The following APPL1 variants were observed in gnomAD, a reference collection of about 807,000 sequenced individuals.
APPL1 encodes the protein adaptor protein, phosphotyrosine interacting with PH domain and leucine zipper 1, also known as DCC-interacting protein 13-alpha.
Under a neutral mutation model 106.8 loss-of-function variants are expected in APPL1, and 42 were observed. The observed-to-expected ratio is 0.39, with a 90% CI of 0.31 to 0.51. The LOEUF (loss-of-function observed/expected upper bound fraction) is 0.51. Ranked by LOEUF, APPL1 falls within the 20% of genes least tolerant of loss-of-function variation. The pLI is 0.75. For missense variants in APPL1, 769 were observed against 858.2 expected, an observed-to-expected ratio of 0.90 and a Z score of 1.30; for synonymous variants, 263 against 281.8, an observed-to-expected ratio of 0.93 and a Z score of 0.67.
At chr3:57,236,216 G>A (rs935323719) in intron 2 of APPL1, among the ~76,000 whole-genome samples, 5 of 151,634 alleles carry the variant, frequency 3.3e-5, no homozygotes, top group Non-Finnish European at 7.4e-5. Context: ...GGCTAATTTT[G>A]TATTTTTAGT....
At chr3:57,260,575 T>C in intron 18 of APPL1, 53 bp from the exon 19 acceptor site, 4 of 1,522,614 alleles carry the variant, frequency 2.6e-6, no homozygotes, top group Non-Finnish European at 1.8e-6. Flanking sequence ...TCACAAGTGC[T>C]GCTGTAATGA....
At chr3:57,262,980 T>G (rs1051903769) in intron 19 of APPL1, among the ~76,000 whole-genome samples, 9 of 151,708 alleles carry the variant, frequency 5.9e-5, no homozygotes, top group Non-Finnish European at 1.2e-4. Flanking sequence ...GCCTCCTGAG[T>G]AGCTGGGTCT....
chr3:57,231,978 A>G (rs1360518115), intron 1 of APPL1, among the ~76,000 whole-genome samples: 2 of 152,184 alleles, frequency 1.3e-5, no homozygotes, highest in African/African-American at 4.8e-5. Context: ...CCTGGAACCT[A>G]GGTGGGGAAA....
rs142324957 is a variant in APPL1 at position 57,233,521 on chromosome 3, A to AT, written c.55-2037dup. On this transcript the variant is annotated intron_variant, in intron 1 of 21. Transcript: ENST00000288266. ...AAACAAAACAGAAACGAAGCGGCAGATTTTTTTTAAGAATGGCACTAGCCA... is the reference window on the plus strand; with the variant it reads ...AAACAAAACAGAAACGAAGCGGCAGATTTTTTTTTAAGAATGGCACTAGCCA... 9.6e-3 allele frequency among the ~76,000 whole-genome samples: 1,446 copies of AT among 151,312 alleles called. 24 individuals carry two copies. Among genetic ancestry groups the AT allele is most frequent in the African/African-American group, 0.033 (1,345 of 41,362 alleles).
chr3:57,246,144 TTTTTGTGCATTAAATAC>T lies in APPL1; in HGVS notation c.545_561del (p.Phe182SerfsTer25). ...AACAACACCAGACCATGATGCATTA[TTTTTGTGCATTAAATAC>T]TCTTCAGTACAAGAAGAAAATAGCA... On this transcript the variant is annotated frameshift_variant, in exon 8 of 22. Transcript: ENST00000288266. LOFTEE classifies it high-confidence loss of function. 1 of 1,612,222 alleles carries T rather than the reference TTTTTGTGCATTAAATAC, an allele frequency of 6.2e-7. No individual in the cohort carries two copies. The highest frequency in any genetic ancestry group is 8.5e-7 in the Non-Finnish European group (1 of 1,178,848).
At chr3:57,237,948 A>G in intron 3 of APPL1, 97 bp from the exon 4 acceptor site, 1 of 904,650 alleles carries the variant, frequency 1.1e-6, no homozygotes, top group Non-Finnish European at 1.7e-6. Context: ...AAAATTTTGG[A>G]AGTTTTCTGA....
intron 7 of APPL1, among the ~76,000 whole-genome samples, chr3:57,243,892 A>G (rs529693758): frequency 3.7e-4 from 56 of 152,276 alleles, no homozygotes; most frequent in African/African-American, 1.3e-3. Flanking sequence ...AGCACCTAAT[A>G]TACGTCAAGC....
chr3:57,244,421 G>T (rs28412106), intron 7 of APPL1, among the ~76,000 whole-genome samples: 10,725 of 152,214 alleles, frequency 0.07, 1,262 homozygotes, highest in African/African-American at 0.24. Context: ...CTCCCAAAGT[G>T]CTGGGATTAC....
chr3:57,257,138 A>C, intron 14 of APPL1, 87 bp downstream of exon 14: 1 of 1,559,074 alleles, frequency 6.4e-7, no homozygotes, highest in South Asian at 1.1e-5. Context: ...CTGAAACTTA[A>C]GACTTCTCAT....
chr3:57,269,884 ATGTACTATG>A lies in APPL1; in HGVS notation c.*199_*207del. 1.8e-6 allele frequency: 1 copy of A among 541,476 alleles called. No homozygotes were observed. Among genetic ancestry groups the A allele is most frequent in the South Asian group, 3.2e-5 (1 of 31,530 alleles). The allele number at this position is 541,476 out of a possible 1,614,324, so 33.5% of individuals were successfully genotyped here. Reference sequence around the variant, plus strand: ...TGATCTTTTTTCCCCCTTAAACATAATGTACTATGTATTAACATCTAAAGGAAACCTGCT... The same window carrying A: ...TGATCTTTTTTCCCCCTTAAACATAATATTAACATCTAAAGGAAACCTGCT... On this transcript the variant is annotated 3_prime_UTR_variant, in exon 22 of 22. Coordinates refer to ENST00000288266, the MANE Select transcript of APPL1 (RefSeq NM_012096.3).
At chr3:57,231,377 A>G (rs1255947363) in intron 1 of APPL1, among the ~76,000 whole-genome samples, 3 of 144,558 alleles carry the variant, frequency 2.1e-5, no homozygotes, top group Non-Finnish European at 4.5e-5. Flanking sequence ...TTTTTTTTGT[A>G]AAGACAGGTT....
chr3:57,260,928 T>C (rs1179487006), intron 19 of APPL1, among the ~76,000 whole-genome samples, 154 bp downstream of exon 19: 1 of 152,220 alleles, frequency 6.6e-6, no homozygotes, highest in Non-Finnish European at 1.5e-5. Flanking sequence ...ACATGTGAAT[T>C]TTGTTACATG....
intron 1 of APPL1, among the ~76,000 whole-genome samples, chr3:57,232,942 C>T (rs1193468638): frequency 6.6e-6 from 1 of 151,960 alleles, no homozygotes; most frequent in African/African-American, 2.4e-5. Flanking sequence ...GCGGAGCGTG[C>T]AGTGAGCCAG....
At chr3:57,230,984 A>G (rs2060683500) in intron 1 of APPL1, among the ~76,000 whole-genome samples, 1 of 151,464 alleles carries the variant, frequency 6.6e-6, no homozygotes, top group Non-Finnish European at 1.5e-5. Context: ...TGCAACCTCC[A>G]CCTCCCGGGT....
At chr3:57,258,453 C>T (rs112346763) in intron 15 of APPL1, among the ~76,000 whole-genome samples, 4 of 152,340 alleles carry the variant, frequency 2.6e-5, no homozygotes, top group African/African-American at 4.8e-5. Context: ...AGCCACAATG[C>T]CCAGCCCTCC....
At chr3:57,234,399 G>A (rs910271933) in intron 1 of APPL1, among the ~76,000 whole-genome samples, 5 of 147,672 alleles carry the variant, frequency 3.4e-5, no homozygotes, top group Admixed American at 6.9e-5. Flanking sequence ...CCAGGTTCAC[G>A]CCATTCTCCT....
intron 15 of APPL1, among the ~76,000 whole-genome samples, chr3:57,258,238 G>A (rs1345883990): frequency 6.6e-6 from 1 of 152,102 alleles, no homozygotes; most frequent in East Asian, 1.9e-4. Flanking sequence ...GCTCACTGCA[G>A]CTTTGACCTT....
chr3:57,258,586 T>C (rs888686023), intron 15 of APPL1, among the ~76,000 whole-genome samples: 1 of 152,268 alleles, frequency 6.6e-6, no homozygotes, highest in African/African-American at 2.4e-5. Context: ...ACTTACGCTT[T>C]AAGAAATACA....
intron 13 of APPL1, 98 bp from the exon 14 acceptor site, chr3:57,256,859 G>A: frequency 1.1e-6 from 1 of 895,390 alleles, no homozygotes; most frequent in Non-Finnish European, 1.8e-6. Context: ...TATATTTTAA[G>A]TGTAACTCAG....
Sources: gnomAD v4.1 joint callset for allele counts (sites outside exome capture counted in the v4.1 genomes callset) on GRCh38, gnomAD v4.1.1 for gene constraint, MANE v1.5 for transcripts, NCBI Gene and HGNC (gene_info 2026-07-23, HGNC 2026-07-21) for gene names.